FBRSL1: variants seen among roughly 807,000 people sequenced by gnomAD.
FBRSL1 encodes fibrosin-1-like protein.
Under a neutral mutation model 89.6 loss-of-function variants are expected in FBRSL1, and 51 were observed. The observed-to-expected ratio is 0.57, with a 90% CI of 0.45 to 0.72. The LOEUF is 0.72. FBRSL1 is among the 30% of genes least tolerant of loss of function. FBRSL1 has a pLI of 0.00. For synonymous variants in FBRSL1, 779 were observed against 681.1 expected (o/e 1.14, Z -2.24); for missense variants, 1,618 against 1,451.8 (o/e 1.11, Z -1.86).
Position 132,569,917 on chromosome 12 carries a change from TCTC to T in FBRSL1, c.692-8_692-6del. On this transcript the variant is annotated splice_region_variant and splice_polypyrimidine_tract_variant and intron_variant, in intron 6 of 18. Transcript: ENST00000680143. ...TGCTGGTCTGAACGCAGCCACCCTC[TCTC>T]TGCAGGCCCAGCGCTTGAGAAGTCG... The T allele has an allele frequency of 7.2e-7, 1 of 1,384,458 alleles. No homozygotes were observed. Among genetic ancestry groups the T allele is most frequent in the South Asian group, 1.6e-5 (1 of 60,608 alleles). 85.8% of individuals were successfully genotyped at this position (1,384,458 alleles called of 1,614,324 possible).
intron 1 of FBRSL1, among the ~76,000 whole-genome samples, chr12:132,491,434 A>G (rs1000450566): frequency 3.3e-5 from 5 of 152,236 alleles, no homozygotes; most frequent in African/African-American, 4.8e-5. Flanking sequence ...CTCCTCTTAC[A>G]TGAACTCAGC....
At chr12:132,493,999 AGGGGCGT>A (rs1270990974) in intron 1 of FBRSL1, among the ~76,000 whole-genome samples, 2 of 141,730 alleles carry the variant, frequency 1.4e-5, no homozygotes, top group Non-Finnish European at 3.1e-5. Context: ...GGACCTGCAG[AGGGGCGT>A]GCTGGGCTGG....
chr12:132,576,595 C>T (rs1358711954), intron 14 of FBRSL1, among the ~76,000 whole-genome samples: 10 of 152,234 alleles, frequency 6.6e-5, no homozygotes, highest in South Asian at 4.1e-4. Flanking sequence ...GTTCAGAGGA[C>T]GTGAGCTCTC....
intron 5 of FBRSL1, chr12:132,554,038 C>A (rs1000901151): frequency 6.6e-6 from 1 of 152,272 alleles, no homozygotes; most frequent in Admixed American, 6.5e-5. Flanking sequence ...GTGATGTCCC[C>A]GTCACAGCAA....
chr12:132,570,430 G>T lies in FBRSL1; in HGVS notation c.1103G>T (p.Arg368Leu), dbSNP rs775516121. ...PHLSTSHLAL[R>L]SQAQHQLHAA... is the part of the protein sequence containing the mutation. ...CTGTCTACCTCACACCTGGCGCTCC[G>T]GTCCCAGGCGCAGCACCAGCTCCAC... Residue 368 changes from arginine to leucine, a missense_variant, in exon 8 of 19, where the codon CGG becomes CTG. Transcript: ENST00000680143. The T allele has an allele frequency of 2.0e-6, 3 of 1,534,848 alleles. No individual in the cohort carries two copies.
At chr12:132,582,029 C>G in intron 17 of FBRSL1, 33 bp from the exon 18 acceptor site, 1 of 1,510,812 alleles carries the variant, frequency 6.6e-7, no homozygotes, top group Non-Finnish European at 8.9e-7. Flanking sequence ...AGCAGACAGA[C>G]CCAACCTCAT....
chr12:132,520,502 C>G (rs572297614), intron 2 of FBRSL1, among the ~76,000 whole-genome samples: 1 of 152,206 alleles, frequency 6.6e-6, no homozygotes, highest in African/African-American at 2.4e-5. Flanking sequence ...GCCCTCCAAA[C>G]GCCCGAGGGT....
chr12:132,490,988 C>T, intron 1 of FBRSL1, 127 bp downstream of exon 1: 2 of 738,944 alleles, frequency 2.7e-6, no homozygotes, highest in Non-Finnish European at 1.7e-6. Context: ...AGGGAAGCCC[C>T]GGCCACTTGG....
chr12:132,549,977 C>T (rs1852887433), intron 5 of FBRSL1, among the ~76,000 whole-genome samples: 1 of 152,324 alleles, frequency 6.6e-6, no homozygotes, highest in Non-Finnish European at 1.5e-5. Flanking sequence ...GGGAGATGAC[C>T]AGCTCTGGGC....
intron 5 of FBRSL1, chr12:132,553,988 A>C (rs1184226570): frequency 6.6e-6 from 1 of 152,270 alleles, no homozygotes; most frequent in Admixed American, 6.5e-5. Context: ...CCTCGCTCAC[A>C]GGGCTCCAAG....
chr12:132,572,788 G>A (rs192871183), intron 11 of FBRSL1, among the ~76,000 whole-genome samples, 166 bp downstream of exon 11: 14 of 152,318 alleles, frequency 9.2e-5, no homozygotes, highest in African/African-American at 2.2e-4. Context: ...AGGATGGGGG[G>A]CCCTGCGGTC....
intron 4 of FBRSL1, among the ~76,000 whole-genome samples, chr12:132,533,399 C>T (rs1169728704): frequency 1.5e-5 from 2 of 135,862 alleles, no homozygotes; most frequent in East Asian, 2.4e-4. Context: ...AGTCAGAGAG[C>T]CTCAGTCTCC....
chr12:132,577,744 G>T (rs1446135142), intron 15 of FBRSL1, among the ~76,000 whole-genome samples: 1 of 152,158 alleles, frequency 6.6e-6, no homozygotes, highest in Non-Finnish European at 1.5e-5. Context: ...AGGCACCACT[G>T]CCTGGCACAG....
At chr12:132,508,810 A>G (rs1271687216) in intron 2 of FBRSL1, among the ~76,000 whole-genome samples, 3 of 152,238 alleles carry the variant, frequency 2.0e-5, no homozygotes, top group Non-Finnish European at 4.4e-5. Flanking sequence ...CAGTGGCTGC[A>G]GGCACGTGAC....
chr12:132,567,614 CAG>C lies in FBRSL1; in HGVS notation c.691+89_691+90del, dbSNP rs913955698. The C allele has an allele frequency of 2.7e-5, 37 of 1,369,718 alleles. No individual in the cohort carries two copies. The South Asian group carries it at 3.4e-4, about 13-fold the overall frequency. The allele number at this position is 1,369,718 out of a possible 1,614,324, so 84.8% of individuals were successfully genotyped here. On this transcript the variant is annotated intron_variant, in intron 6 of 18. Coordinates refer to ENST00000680143, the MANE Select transcript of FBRSL1 (RefSeq NM_001367871.1). ...TGGCGGCAGGACATCCCCCTGAAGT[CAG>C]GGGAGAGATGGTCTTGGCACCTGGG... is the stretch of plus-strand genomic sequence containing the variant.
intron 5 of FBRSL1, among the ~76,000 whole-genome samples, chr12:132,556,989 C>A (rs573424685): frequency 3.4e-4 from 52 of 152,332 alleles, no homozygotes; most frequent in African/African-American, 1.2e-3. Flanking sequence ...CAGCGCTCGG[C>A]TAACCATGGC....
chr12:132,564,679 TAG>T, intron 5 of FBRSL1, among the ~76,000 whole-genome samples: 1 of 98,766 alleles, frequency 1.0e-5, no homozygotes, highest in Non-Finnish European at 1.8e-5. Flanking sequence ...GTATTTTTAG[TAG>T]AGACGGGGTT....
intron 1 of FBRSL1, among the ~76,000 whole-genome samples, chr12:132,496,181 C>T (rs7955133): frequency 0.23 from 34,995 of 152,252 alleles, 4,600 homozygotes; most frequent in Non-Finnish European, 0.3. Context: ...TGTGAGTCAC[C>T]GCACAGTCCT....
chr12:132,572,925 C>T (rs1174600527), intron 11 of FBRSL1, among the ~76,000 whole-genome samples: 1 of 152,202 alleles, frequency 6.6e-6, no homozygotes, highest in Admixed American at 6.5e-5. Context: ...GGCAGGAGGC[C>T]CTGGTGTGGA....
Sources: allele counts gnomAD v4.1 joint callset (sites outside exome capture counted in the v4.1 genomes callset), GRCh38; gene constraint gnomAD v4.1.1; transcripts MANE v1.5; gene names NCBI Gene and HGNC (gene_info 2026-07-23, HGNC 2026-07-21).